Variants in PTPRD observed in about 807,000 individuals in gnomAD.
The protein encoded by PTPRD is receptor-type tyrosine-protein phosphatase delta.
Under a neutral mutation model 214.5 loss-of-function variants are expected in PTPRD, and 34 were observed. The ratio of observed to expected loss-of-function variants is 0.16; its 90% confidence interval spans 0.12 to 0.21. PTPRD has a LOEUF of 0.21. Ranked by LOEUF, PTPRD falls within the 10% of genes least tolerant of loss-of-function variation. PTPRD has a pLI of 1.00. For missense variants in PTPRD, 2,545 were observed against 2,398.7 expected (o/e 1.06, Z -1.27); for synonymous variants, 1,128 against 845.7 (o/e 1.33, Z -5.79).
chr9:9,820,523 AT>A (rs2050346611), intron 5 of PTPRD, among the ~76,000 whole-genome samples: 1 of 152,016 alleles, frequency 6.6e-6, no homozygotes, highest in African/African-American at 2.4e-5. Context: ...TGTTGTTGCA[AT>A]TGCTTTTGAG....
At chr9:8,567,917 A>G (rs1481435129) in intron 14 of PTPRD, among the ~76,000 whole-genome samples, 1 of 152,188 alleles carries the variant, frequency 6.6e-6, no homozygotes, top group Non-Finnish European at 1.5e-5. Context: ...GAATTAATTA[A>G]TTCTATATGA....
chr9:10,572,356 C>T (rs1214130122), intron 2 of PTPRD, among the ~76,000 whole-genome samples: 1 of 152,134 alleles, frequency 6.6e-6, no homozygotes, highest in African/African-American at 2.4e-5. Flanking sequence ...CTGGAGGAAA[C>T]AACCATTGTT....
intron 9 of PTPRD, among the ~76,000 whole-genome samples, chr9:9,369,432 C>G (rs1053143218): frequency 6.6e-5 from 10 of 152,180 alleles, no homozygotes; most frequent in Middle Eastern, 3.4e-3. Context: ...TGTTCATATC[C>G]TTTGCCCACT....
intron 7 of PTPRD, among the ~76,000 whole-genome samples, chr9:9,718,667 G>A (rs2097878275): frequency 6.6e-6 from 1 of 152,226 alleles, no homozygotes; most frequent in Non-Finnish European, 1.5e-5. Context: ...CAAAGTTGTG[G>A]ACATGTCCCA....
At chr9:9,648,733 GGTGCAA>G (rs2096260113) in intron 7 of PTPRD, among the ~76,000 whole-genome samples, 1 of 152,196 alleles carries the variant, frequency 6.6e-6, no homozygotes, top group East Asian at 1.9e-4. Flanking sequence ...TTATTAGTGA[GGTGCAA>G]GTCTAAGATA....
chr9:9,008,814 A>C (rs1449617792), intron 11 of PTPRD, among the ~76,000 whole-genome samples: 1 of 152,178 alleles, frequency 6.6e-6, no homozygotes, highest in Non-Finnish European at 1.5e-5. Flanking sequence ...TATTTTTGAG[A>C]ACCCTTGTAA....
chr9:9,217,995 G>A (rs1019516131), intron 9 of PTPRD, among the ~76,000 whole-genome samples: 4 of 152,032 alleles, frequency 2.6e-5, no homozygotes, highest in South Asian at 4.1e-4. Context: ...CAGTTATGCC[G>A]TTCATGTTCA....
chr9:10,427,561 T>C (rs577020051), intron 2 of PTPRD, among the ~76,000 whole-genome samples: 1 of 152,006 alleles, frequency 6.6e-6, no homozygotes, highest in African/African-American at 2.4e-5. Context: ...CCACTGATGG[T>C]TGATAATTGT....
intron 18 of PTPRD, 71 bp downstream of exon 18, chr9:8,524,854 C>G: frequency 4.8e-6 from 6 of 1,241,360 alleles, no homozygotes; most frequent in Non-Finnish European, 5.9e-6. Context: ...TATAACAACA[C>G]GGACCCTGCG....
In PTPRD at chr9:9,126,576, G is replaced by A. The variant is rs2099834253; in HGVS notation, c.-143+56728C>T. Among the ~76,000 whole-genome samples the A allele has an allele frequency of 1.3e-5, 2 of 152,184 alleles. 1 individual carries two copies. The highest frequency in any genetic ancestry group is 4.1e-4 in the South Asian group (2 of 4,828). The stretch of plus-strand genomic sequence containing the variant: ...TTCAAAACATTTCAAATATTAAACA[G>A]TGAAATTAATGTGAGTTATATATAC... On this transcript the variant is annotated intron_variant, in intron 10 of 45. Transcript: ENST00000381196.
Position 9,700,244 on chromosome 9 carries a change from T to C in PTPRD, c.-287+34289A>G, listed in dbSNP as rs1400566167. On this transcript the variant is annotated intron_variant, in intron 7 of 45. Transcript: ENST00000381196. ...TCTACATAAAAGTGGAATTATTTTA[T>C]AATAAATGAAATTTTAATATTCCTC... 2.0e-5 allele frequency among the ~76,000 whole-genome samples: 3 copies of C among 152,282 alleles called. No homozygotes were observed. The South Asian group carries it at 6.2e-4, about 32-fold the overall frequency.
At chr9:10,125,806 A>C (rs1240116656) in intron 3 of PTPRD, among the ~76,000 whole-genome samples, 1 of 152,052 alleles carries the variant, frequency 6.6e-6, no homozygotes, top group Non-Finnish European at 1.5e-5. Flanking sequence ...ATTTTAGTAA[A>C]ACTATAAGTT....
chr9:9,357,660 G>A (rs376784021), intron 9 of PTPRD, among the ~76,000 whole-genome samples: 1 of 150,620 alleles, frequency 6.6e-6, no homozygotes, highest in East Asian at 2.0e-4. Context: ...TGGCTATAAG[G>A]TACCACAATA....
At chr9:10,145,203 GACC>G (rs1284328386) in intron 3 of PTPRD, among the ~76,000 whole-genome samples, 1 of 151,940 alleles carries the variant, frequency 6.6e-6, no homozygotes, top group African/African-American at 2.4e-5. Context: ...ATTCATTTAG[GACC>G]ACATCAATTT....
chr9:10,518,733 C>A (rs191371444), intron 2 of PTPRD, among the ~76,000 whole-genome samples: 6 of 151,982 alleles, frequency 3.9e-5, no homozygotes, highest in Non-Finnish European at 8.8e-5. Context: ...AGGGTTTTAC[C>A]GTGTTAGCCA....
rs2098144252 is a variant in PTPRD at position 10,077,154 on chromosome 9, A to G, written c.-544-43364T>C. Among the ~76,000 whole-genome samples the G allele has an allele frequency of 1.3e-5, 2 of 152,190 alleles. 1 individual carries two copies. The highest frequency in any genetic ancestry group is 4.1e-4 in the South Asian group (2 of 4,824). The stretch of plus-strand genomic sequence containing the variant: ...CATAGTGCTTGATAAAATGTTATGT[A>G]ACAATTATGTGAATGAATTATCAAC... On this transcript the variant is annotated intron_variant, in intron 3 of 45. Coordinates refer to ENST00000381196, the MANE Select transcript of PTPRD (RefSeq NM_002839.4).
chr9:10,303,072 CA>C (rs200007101), intron 3 of PTPRD, among the ~76,000 whole-genome samples: 3,149 of 152,276 alleles, frequency 0.021, 118 homozygotes, highest in African/African-American at 0.072. Flanking sequence ...TCTCAGACCA[CA>C]GTGCAATCAA....
chr9:10,416,075 T>C (rs2098484143), intron 2 of PTPRD, among the ~76,000 whole-genome samples: 9 of 151,378 alleles, frequency 5.9e-5, no homozygotes, highest in Admixed American at 5.9e-4. Flanking sequence ...AAGCAGGACA[T>C]GGTGGCTCAT....
chr9:8,403,173 G>C (rs914431346), intron 36 of PTPRD, among the ~76,000 whole-genome samples: 9 of 152,280 alleles, frequency 5.9e-5, no homozygotes, highest in Middle Eastern at 6.8e-3. Flanking sequence ...GAAGCAGGTA[G>C]GAGATGTGGT....
Sources: allele counts gnomAD v4.1 joint callset (sites outside exome capture counted in the v4.1 genomes callset), GRCh38; gene constraint gnomAD v4.1.1; transcripts MANE v1.5; gene names NCBI Gene and HGNC (gene_info 2026-07-23, HGNC 2026-07-21).